The following ALK variants were observed in gnomAD, a reference collection of about 807,000 sequenced individuals.
ALK encodes ALK tyrosine kinase receptor.
ALK carries 74 observed loss-of-function variants against 163.1 expected under a neutral mutation model. The ratio of observed to expected loss-of-function variants is 0.45; its 90% confidence interval spans 0.38 to 0.55. The LOEUF (loss-of-function observed/expected upper bound fraction) is 0.55, where lower values mean the gene tolerates loss of function less well. Ranked by LOEUF, ALK falls within the 20% of genes least tolerant of loss-of-function variation. The pLI is 0.00. For missense variants in ALK, 2,063 were observed against 2,105.3 expected (o/e 0.98, Z 0.39); for synonymous variants, 960 against 843.2 (o/e 1.14, Z -2.40).
chr2:29,666,825 C>G (rs1677526573), intron 3 of ALK, among the ~76,000 whole-genome samples: 1 of 151,654 alleles, frequency 6.6e-6, no homozygotes, highest in Non-Finnish European at 1.5e-5. Flanking sequence ...TGTATATATT[C>G]TTCCCCTTCA....
intron 3 of ALK, among the ~76,000 whole-genome samples, chr2:29,613,345 T>C (rs1401433392): frequency 6.6e-6 from 1 of 152,234 alleles, no homozygotes; most frequent in Non-Finnish European, 1.5e-5. Flanking sequence ...CCATTTTTAA[T>C]TGTCCAGGTT....
intron 3 of ALK, among the ~76,000 whole-genome samples, chr2:29,666,280 A>C (rs1311964629): frequency 6.6e-6 from 1 of 152,156 alleles, no homozygotes. Flanking sequence ...CTATATTAAC[A>C]GGGATTGAAT....
At chr2:29,336,859 T>C (rs185030464) in intron 5 of ALK, among the ~76,000 whole-genome samples, 51 of 152,278 alleles carry the variant, frequency 3.3e-4, no homozygotes, top group Admixed American at 7.2e-4. Context: ...GCCTAACTAA[T>C]GACACTCGTT....
chr2:29,767,622 G>A (rs1356018005), intron 1 of ALK, among the ~76,000 whole-genome samples: 1 of 152,164 alleles, frequency 6.6e-6, no homozygotes, highest in East Asian at 1.9e-4. Context: ...ATTTTCCCGG[G>A]CCCTTAGTGA....
At position 29,478,075 on chromosome 2, in the gene ALK, G is replaced by C. The variant is rs1671570860; in HGVS notation, c.1154+53840C>G. Among the ~76,000 whole-genome samples the C allele has an allele frequency of 2.6e-5, 4 of 152,234 alleles. No individual in the cohort carries two copies. In the South Asian group the frequency reaches 8.3e-4, roughly 32 times the overall value. Reference sequence around the variant, plus strand: ...TCCATCCATAAAAAATGAAGAGACTGTCTCACTCTCAGCTTCTCAAAGCTC... The same window carrying C: ...TCCATCCATAAAAAATGAAGAGACTCTCTCACTCTCAGCTTCTCAAAGCTC... On this transcript the variant is annotated intron_variant, in intron 4 of 28. Coordinates refer to ENST00000389048, the MANE Select transcript of ALK (RefSeq NM_004304.5).
intron 3 of ALK, among the ~76,000 whole-genome samples, chr2:29,602,485 C>G (rs1675407086): frequency 6.6e-6 from 1 of 152,176 alleles, no homozygotes; most frequent in African/African-American, 2.4e-5. Context: ...CTTGGAGACT[C>G]TTAATATATA....
intron 9 of ALK, among the ~76,000 whole-genome samples, chr2:29,287,722 C>T (rs1665897930): frequency 6.6e-6 from 1 of 151,616 alleles, no homozygotes; most frequent in Non-Finnish European, 1.5e-5. Context: ...AGCTCTTTGC[C>T]CACCGACTGG....
At chr2:29,678,825 G>A (rs1030513252) in intron 3 of ALK, among the ~76,000 whole-genome samples, 10 of 151,628 alleles carry the variant, frequency 6.6e-5, no homozygotes, top group African/African-American at 2.2e-4. Flanking sequence ...ATTGAAGAAT[G>A]TTCTCTGTTT....
At chr2:29,862,803 G>A (rs1052013445) in intron 1 of ALK, among the ~76,000 whole-genome samples, 1 of 145,224 alleles carries the variant, frequency 6.9e-6, no homozygotes, top group African/African-American at 2.5e-5. Context: ...AAAAGACCCA[G>A]AATAGCCAAA....
At chr2:29,753,303 T>G (rs1019270434) in intron 1 of ALK, among the ~76,000 whole-genome samples, 7 of 152,128 alleles carry the variant, frequency 4.6e-5, no homozygotes, top group Admixed American at 2.6e-4. Context: ...GGAACCAGAG[T>G]GCTTGAAGAT....
At chr2:29,531,323 A>G (rs1673112246) in intron 4 of ALK, among the ~76,000 whole-genome samples, 1 of 152,180 alleles carries the variant, frequency 6.6e-6, no homozygotes, top group Non-Finnish European at 1.5e-5. Context: ...TCACTACCGC[A>G]GAGGCCTGAT....
chr2:29,407,977 T>C (rs1669629148), intron 4 of ALK, among the ~76,000 whole-genome samples: 1 of 151,964 alleles, frequency 6.6e-6, no homozygotes, highest in South Asian at 2.1e-4. Flanking sequence ...ACTGTATAAC[T>C]AGAGGCAGAG....
intron 4 of ALK, among the ~76,000 whole-genome samples, chr2:29,518,730 C>G (rs1391448220): frequency 6.6e-6 from 1 of 152,094 alleles, no homozygotes; most frequent in Non-Finnish European, 1.5e-5. Flanking sequence ...CCTGGGAAAA[C>G]AAGTGAAGAA....
intron 25 of ALK, chr2:29,208,130 C>A: frequency 2.3e-6 from 1 of 436,652 alleles, no homozygotes; most frequent in Non-Finnish European, 4.7e-6. Flanking sequence ...ATATGCATTG[C>A]AATATAGAAA....
chr2:29,784,986 G>GC (rs1663971849), intron 1 of ALK, among the ~76,000 whole-genome samples: 1 of 148 alleles, frequency 6.8e-3, no homozygotes, highest in South Asian at 0.5. Flanking sequence ...TGACACAGAA[G>GC]GGAGGATCAA....
Position 29,626,953 on chromosome 2 carries a change from C to T in ALK, c.952+67897G>A, listed in dbSNP as rs1298319723. On this transcript the variant is annotated intron_variant, in intron 3 of 28. Coordinates refer to ENST00000389048, the MANE Select transcript of ALK (RefSeq NM_004304.5). ...TCTTGTTCCTTCCCCAGCTGCCAAA[C>T]ATCCCTAAAGCCGGGGCTCCTCCAA... 2.0e-5 allele frequency among the ~76,000 whole-genome samples: 3 copies of T among 152,066 alleles called. No homozygotes were observed. The East Asian group carries it at 5.8e-4, about 29-fold the overall frequency.
At chr2:29,310,486 C>G (rs1449779678) in intron 8 of ALK, among the ~76,000 whole-genome samples, 1 of 152,150 alleles carries the variant, frequency 6.6e-6, no homozygotes, top group Non-Finnish European at 1.5e-5. Flanking sequence ...GTTCGAAGGC[C>G]CTCATTAAGA....
At chr2:29,841,081 A>G (rs1419564355) in intron 1 of ALK, among the ~76,000 whole-genome samples, 2 of 152,180 alleles carry the variant, frequency 1.3e-5, no homozygotes, top group Non-Finnish European at 2.9e-5. Context: ...CTTTGAATAA[A>G]TCATATTCGG....
Position 29,536,679 on chromosome 2 carries a change from G to A in ALK, c.953-4563C>T, listed in dbSNP as rs535875046. ...GGGCAGGGGTTGGAGGAATTTGGGC[G>A]GGAGAAGCTCACAAGACAGGAAGAC... On this transcript the variant is annotated intron_variant, in intron 3 of 28. Coordinates refer to ENST00000389048, the MANE Select transcript of ALK (RefSeq NM_004304.5). Among the ~76,000 whole-genome samples, 21 of 152,240 alleles carry A rather than the reference G, an allele frequency of 1.4e-4. 2 individuals are homozygous for A. The South Asian group carries it at 3.1e-3, about 23-fold the overall frequency.
Sources: allele counts gnomAD v4.1 joint callset (sites outside exome capture counted in the v4.1 genomes callset), GRCh38; gene constraint gnomAD v4.1.1; transcripts MANE v1.5; gene names NCBI Gene and HGNC (gene_info 2026-07-23, HGNC 2026-07-21).